MMP21: variants seen among roughly 807,000 people sequenced by gnomAD.
The protein encoded by MMP21 is matrix metallopeptidase 21.
A neutral mutation model predicts 47.8 loss-of-function variants in MMP21; 40 were observed. The observed-to-expected ratio is 0.84, with a 90% confidence interval of 0.65 to 1.09. The LOEUF (loss-of-function observed/expected upper bound fraction) is 1.09, where lower values mean the gene tolerates loss of function less well. Among genes scored for constraint, MMP21 ranks in the 50% least tolerant of loss-of-function variants. The pLI, the probability that MMP21 is intolerant of heterozygous loss-of-function variation, is 0.00. For missense variants in MMP21, 747 were observed against 775.3 expected, an observed-to-expected ratio of 0.96 and a Z score of 0.43; for synonymous variants, 341 against 318.0, an observed-to-expected ratio of 1.07 and a Z score of -0.77.
chr10:125,772,552 G>A lies in MMP21; in HGVS notation c.837+59C>T. ...ACATGAGAAAAGCTTGGACTTTTTG[G>A]ACGTCAGCCCATGAGCACTGCTGGT... is the stretch of plus-strand genomic sequence containing the variant. On this transcript the variant is annotated intron_variant, in intron 3 of 6. Transcript: ENST00000368808. The surrounding 1 kb of genome is among the most constrained non-coding windows in gnomAD (Gnocchi z 5.6). The A allele has an allele frequency of 6.2e-7, 1 of 1,608,264 alleles. No homozygotes were observed. Among genetic ancestry groups the A allele is most frequent in the Non-Finnish European group, 8.5e-7 (1 of 1,175,114 alleles).
Position 125,771,460 on chromosome 10 carries a change from G to GTCT in MMP21, c.979+757_979+758insAGA, listed in dbSNP as rs566343107. Reference sequence around the variant, plus strand: ...GCTCTGTCACCCAGGCTGGAGTGCAGTGGTGCAATCTTGGCTCACTGCAAC... The same window carrying GTCT: ...GCTCTGTCACCCAGGCTGGAGTGCAGTCTTGGTGCAATCTTGGCTCACTGCAAC... On this transcript the variant is annotated intron_variant, in intron 4 of 6. Transcript: ENST00000368808. Among the ~76,000 whole-genome samples, 45 of 151,570 alleles carry GTCT rather than the reference G, an allele frequency of 3.0e-4. No homozygotes were observed. In the South Asian group the frequency reaches 8.9e-3, roughly 30 times the overall value.
Position 125,772,091 on chromosome 10 carries a change from G to T in MMP21, c.979+127C>A. 1 of 1,174,232 alleles carries T rather than the reference G, an allele frequency of 8.5e-7. No individual in the cohort carries two copies. Among genetic ancestry groups the T allele is most frequent in the South Asian group, 1.5e-5 (1 of 68,300 alleles). 72.7% of individuals were successfully genotyped at this position (1,174,232 alleles called of 1,614,324 possible). ...GGAGCTAGAGGGTGGCTACCCTTGG[G>T]TGACATGAGTTGTACAACGTTGCGC... On this transcript the variant is annotated intron_variant, in intron 4 of 6. Coordinates refer to ENST00000368808, the MANE Select transcript of MMP21 (RefSeq NM_147191.1). This position sits in a 1 kb window ranked among gnomAD's most constrained non-coding sequence, Gnocchi z 5.6.
chr10:125,774,060 ACCC>A lies in MMP21; in HGVS notation c.465_467del (p.Gly156del). Reference sequence around the variant, plus strand: ...CGTCGGGGTAGCCCCGGGGCTGCCAACCCCGCCGGGACAAGGACAGCGGCGCCC... The same window carrying A: ...CGTCGGGGTAGCCCCGGGGCTGCCAACGCCGGGACAAGGACAGCGGCGCCC... On this transcript the variant is annotated inframe_deletion, in exon 2 of 7. Coordinates refer to ENST00000368808, the MANE Select transcript of MMP21 (RefSeq NM_147191.1). The A allele has an allele frequency of 6.9e-7, 1 of 1,447,144 alleles. No individual in the cohort carries two copies. The highest frequency in any genetic ancestry group is 9.1e-7 in the Non-Finnish European group (1 of 1,102,868). The allele number at this position is 1,447,144 out of a possible 1,614,324, so 89.6% of individuals were successfully genotyped here. A position where few individuals can be genotyped will look rare whatever the true frequency, so the allele number is the denominator to read the frequency against.
In MMP21 at chr10:125,773,042, C is replaced by A. The variant is rs1293322034; in HGVS notation, c.698-292G>T. On this transcript the variant is annotated intron_variant, in intron 2 of 6. Coordinates refer to ENST00000368808, the MANE Select transcript of MMP21 (RefSeq NM_147191.1). This position sits in a 1 kb window ranked among gnomAD's most constrained non-coding sequence, Gnocchi z 4.8. ...GGGAAGATGGCAAAAAGGCCTCACC[C>A]GGACAAGATCGGGGCCGGATCCTCG... Among the ~76,000 whole-genome samples the A allele has an allele frequency of 6.6e-6, 1 of 152,222 alleles. No homozygotes were observed. The highest frequency in any genetic ancestry group is 1.5e-5 in the Non-Finnish European group (1 of 68,034).
rs765822061 is a variant in MMP21, at chr10:125,770,328, CTG to C, written c.1237+4_1237+5del. 1 of 1,614,036 alleles carries C rather than the reference CTG, an allele frequency of 6.2e-7. No individual in the cohort carries two copies. Among genetic ancestry groups the C allele is most frequent in the East Asian group, 2.2e-5 (1 of 44,880 alleles). On this transcript the variant is annotated splice_donor_5th_base_variant and intron_variant, in intron 5 of 6. Transcript: ENST00000368808. Reference sequence around the variant, plus strand: ...AGAAATAGAACCATCCATGAAGAATCTGTACCTTGAAAAAAATAACGTTCATC... The same window carrying C: ...AGAAATAGAACCATCCATGAAGAATCTACCTTGAAAAAAATAACGTTCATC...
chr10:125,770,503 T>G lies in MMP21; in HGVS notation c.1068A>C (p.Thr356=). Residue 356 remains threonine (T), a synonymous_variant, in exon 5 of 7, where the codon ACA becomes ACC. Transcript: ENST00000368808. ...QYGEVMVRFS[T]YFFRNSWYWL... Reference sequence around the variant, plus strand: ...AGTACCAGCTGTTACGGAAGAAATATGTGCTAAATCTCACCATCACCTCTC... The same window carrying G: ...AGTACCAGCTGTTACGGAAGAAATAGGTGCTAAATCTCACCATCACCTCTC... The G allele has an allele frequency of 6.2e-7, 1 of 1,614,182 alleles. No individual in the cohort carries two copies. The highest frequency in any genetic ancestry group is 1.6e-4 in the Middle Eastern group (1 of 6,062).
chr10:125,775,560 A>G, intron 1 of MMP21, 100 bp downstream of exon 1: 1 of 1,426,214 alleles, frequency 7.0e-7, no homozygotes, highest in Non-Finnish European at 9.3e-7. Flanking sequence ...CTGCCTCTGC[A>G]CAGCCGGCAT....
At chr10:125,771,800 C>A (rs1471879371) in intron 4 of MMP21, among the ~76,000 whole-genome samples, 2 of 152,128 alleles carry the variant, frequency 1.3e-5, no homozygotes, top group African/African-American at 2.4e-5. Context: ...ACCACTAGAA[C>A]GTTTGGCCTG....
chr10:125,771,289 A>G (rs1407082558), intron 4 of MMP21, among the ~76,000 whole-genome samples: 2 of 152,210 alleles, frequency 1.3e-5, no homozygotes, highest in Admixed American at 6.5e-5. Flanking sequence ...CTCATGTAAG[A>G]GTAAGATTTC....
At position 125,775,756 on chromosome 10, in the gene MMP21, G is replaced by A; in HGVS notation, c.66C>T (p.Thr22=). 6.2e-7 allele frequency: 1 copy of A among 1,613,630 alleles called. No homozygotes were observed. Among genetic ancestry groups the A allele is most frequent in the South Asian group, 1.1e-5 (1 of 91,022 alleles). Residue 22 remains threonine (T), a synonymous_variant, in exon 1 of 7, where the codon ACC becomes ACT. Coordinates refer to ENST00000368808, the MANE Select transcript of MMP21 (RefSeq NM_147191.1). ...GGCTGTGGAAGAGACTCTCGGGCTGGGTGGGCCAGGGAGCAGCCAGCCAGC... is the reference window on the plus strand; with the variant it reads ...GGCTGTGGAAGAGACTCTCGGGCTGAGTGGGCCAGGGAGCAGCCAGCCAGC... ...LLCWLAAPWP[T]QPESLFHSRD...
rs1850479128 is a variant in MMP21 at position 125,773,758 on chromosome 10, C to T, written c.697+73G>A. On this transcript the variant is annotated intron_variant, in intron 2 of 6. Coordinates refer to ENST00000368808, the MANE Select transcript of MMP21 (RefSeq NM_147191.1). The surrounding 1 kb of genome is among the most constrained non-coding windows in gnomAD (Gnocchi z 4.8). ...CTTAGCCCCCCATTCTGCAGGTGGC[C>T]GAGGTGGGGGTAGGTGCGCCGGGGT... 7.0e-7 allele frequency: 1 copy of T among 1,431,062 alleles called. No homozygotes were observed. Among genetic ancestry groups the T allele is most frequent in the South Asian group, 1.5e-5 (1 of 66,824 alleles). The allele number at this position is 1,431,062 out of a possible 1,614,324, so 88.6% of individuals were successfully genotyped here.
At chr10:125,769,837 T>C (rs573773829) in intron 5 of MMP21, among the ~76,000 whole-genome samples, 22 of 152,272 alleles carry the variant, frequency 1.4e-4, no homozygotes, top group East Asian at 1.2e-3. Context: ...ACTCATTCGG[T>C]GACTTAGTGC....
chr10:125,770,827 A>T lies in MMP21; in HGVS notation c.980-236T>A, dbSNP rs550944132. Among the ~76,000 whole-genome samples, 7 of 151,532 alleles carry T rather than the reference A, an allele frequency of 4.6e-5. No homozygotes were observed. The East Asian group carries it at 1.4e-3, about 29-fold the overall frequency. On this transcript the variant is annotated intron_variant, in intron 4 of 6. Transcript: ENST00000368808. ...CTTGAGTTCAAGACCAGCCTGGGCA[A>T]CATGGTGAAACCCAGTGTCTACAAA...
chr10:125,770,141 G>A (rs1170312820), intron 5 of MMP21, among the ~76,000 whole-genome samples, 193 bp downstream of exon 5: 1 of 152,096 alleles, frequency 6.6e-6, no homozygotes, highest in African/African-American at 2.4e-5. Context: ...GTGAAACTCT[G>A]TCTCAGAAAC....
intron 6 of MMP21, 47 bp downstream of exon 6, chr10:125,767,483 CTA>C: frequency 6.4e-7 from 1 of 1,553,588 alleles, no homozygotes; most frequent in Non-Finnish European, 8.8e-7. Context: ...TGACGAATCT[CTA>C]TTAGGGATGA....
Position 125,772,077 on chromosome 10 carries a change from G to GT in MMP21, c.979+140dup, listed in dbSNP as rs2133783036. 2 of 978,324 alleles carry GT rather than the reference G, an allele frequency of 2.0e-6. No individual in the cohort carries two copies. Among genetic ancestry groups the GT allele is most frequent in the East Asian group, 4.9e-5 (2 of 40,506 alleles). 60.6% of individuals were successfully genotyped at this position (978,324 alleles called of 1,614,324 possible). ...GAGAATGGCATCAGGGAGCTAGAGG[G>GT]TGGCTACCCTTGGGTGACATGAGTT... On this transcript the variant is annotated intron_variant, in intron 4 of 6. Coordinates refer to ENST00000368808, the MANE Select transcript of MMP21 (RefSeq NM_147191.1). The surrounding 1 kb of genome is among the most constrained non-coding windows in gnomAD (Gnocchi z 5.6).
chr10:125,773,718 G>T lies in MMP21; in HGVS notation c.697+113C>A. On this transcript the variant is annotated intron_variant, in intron 2 of 6. Coordinates refer to ENST00000368808, the MANE Select transcript of MMP21 (RefSeq NM_147191.1). The surrounding 1 kb of genome is among the most constrained non-coding windows in gnomAD (Gnocchi z 4.8). ...CTGCCCCGCTGACAGGTGCCCCCGG[G>T]ACAGGCCGGGAGGGCTTAGCCCCCC... 1.5e-6 allele frequency: 2 copies of T among 1,335,796 alleles called. No individual in the cohort carries two copies. The highest frequency in any genetic ancestry group is 1.9e-6 in the Non-Finnish European group (2 of 1,032,736). The allele number at this position is 1,335,796 out of a possible 1,614,324, so 82.7% of individuals were successfully genotyped here.
intron 1 of MMP21, 23 bp from the exon 2 acceptor site, chr10:125,774,388 A>C: frequency 7.6e-7 from 1 of 1,323,446 alleles, no homozygotes; most frequent in Non-Finnish European, 9.6e-7. Context: ...AAGGCACCCT[A>C]ATCTGGGCCG....
Position 125,766,688 on chromosome 10 carries a change from C to T in MMP21, c.1684G>A (p.Val562Ile), listed in dbSNP as rs765281864. The T allele has an allele frequency of 1.5e-5, 24 of 1,611,632 alleles. No individual in the cohort carries two copies. Among genetic ancestry groups the T allele is most frequent in the South Asian group, 7.7e-5 (7 of 90,520 alleles). Residue 562 changes from valine (V) to isoleucine (I), a missense_variant, in exon 7 of 7, where the codon GTC becomes ATC. Val to Ile is a conservative substitution (Grantham distance 29, BLOSUM62 3). Transcript: ENST00000368808. ...TACATGTTCAGTGTGGAGATATGGA[C>T]GTCACAAACATCAAACCACTTCTCT... Reference protein sequence around the residue: ...ISEKWFDVCDVHISTLNM With the variant: ...ISEKWFDVCDIHISTLNM
Sources: gnomAD v4.1 joint callset for allele counts (sites outside exome capture counted in the v4.1 genomes callset) on GRCh38, gnomAD v4.1.1 for gene constraint, Gnocchi (gnomAD v3.1) non-coding constraint, MANE v1.5 for transcripts, NCBI Gene and HGNC (gene_info 2026-07-23, HGNC 2026-07-21) for gene names.